The following BNIP2 variants were observed in gnomAD, a reference collection of about 807,000 sequenced individuals.
BNIP2 encodes BCL2 interacting protein 2.
BNIP2 carries 36 observed loss-of-function variants against 43.4 expected under a neutral mutation model. The ratio of observed to expected loss-of-function variants is 0.83; its 90% CI spans 0.64 to 1.10. BNIP2 has a LOEUF of 1.10. Ranked by LOEUF, BNIP2 falls within the 50% of genes least tolerant of loss-of-function variation. BNIP2 has a pLI of 0.00. For missense variants in BNIP2, 417 were observed against 374.1 expected, an observed-to-expected ratio of 1.11 and a Z score of -0.95; for synonymous variants, 146 against 121.0, an observed-to-expected ratio of 1.21 and a Z score of -1.35.
chr15:59,676,871 C>A, intron 5 of BNIP2: 1 of 1,586,942 alleles, frequency 6.3e-7, no homozygotes, highest in African/African-American at 1.3e-5. Flanking sequence ...GCTCTCGCTG[C>A]GTTCGCTCAC....
At chr15:59,676,879 C>A in intron 5 of BNIP2, 3 of 1,593,640 alleles carry the variant, frequency 1.9e-6, no homozygotes, top group South Asian at 1.1e-5. Flanking sequence ...TGCGTTCGCT[C>A]ACCGCTGTCA....
intron 6 of BNIP2, among the ~76,000 whole-genome samples, chr15:59,671,690 T>C (rs796919165): frequency 1.3e-5 from 2 of 152,156 alleles, no homozygotes; most frequent in East Asian, 1.9e-4. Flanking sequence ...ACCTGAGAAA[T>C]AGAATGACCT....
Position 59,676,627 on chromosome 15 carries a change from A to C in BNIP2, c.472+1284T>G, listed in dbSNP as rs1595698979. On this transcript the variant is annotated intron_variant, in intron 5 of 9. Coordinates refer to ENST00000607373, the MANE Select transcript of BNIP2 (RefSeq NM_004330.4). ...AATGAGAAATGCTTATTATTCTTTC[A>C]AAATTACATAATATCTCTAGGCAGA... 2.3e-5 allele frequency: 13 copies of C among 562,240 alleles called. No individual in the cohort carries two copies. In the East Asian group the frequency reaches 3.7e-4, roughly 16 times the overall value. The allele number at this position is 562,240 out of a possible 1,614,324, so 34.8% of individuals were successfully genotyped here. A position where few individuals can be genotyped will look rare whatever the true frequency, so the allele number is the denominator to read the frequency against.
chr15:59,678,535 T>A (rs1452613301), intron 4 of BNIP2: 11 of 1,077,188 alleles, frequency 1.0e-5, no homozygotes, highest in Non-Finnish European at 1.2e-5. Flanking sequence ...TAGGAAGTGG[T>A]TAACTACTCA....
At position 59,682,412 on chromosome 15, in the gene BNIP2, G is replaced by C; in HGVS notation, c.46C>G (p.Pro16Ala). 1 of 1,610,542 alleles carries C rather than the reference G, an allele frequency of 6.2e-7. No individual in the cohort carries two copies. The highest frequency in any genetic ancestry group is 8.5e-7 in the Non-Finnish European group (1 of 1,178,798). ...TCTTTTAAAAGCATTGCTCACATCG[G>C]AAAATCTTCATCTTGCCATTCTTCT... ...LKEEWQDEDF[P>A]IPLPEDDSIE... Residue 16 changes from proline to alanine, a missense_variant, in exon 2 of 10, where the codon CCG becomes GCG. Coordinates refer to ENST00000607373, the MANE Select transcript of BNIP2 (RefSeq NM_004330.4).
rs1555396712 is a variant in BNIP2, at chr15:59,674,098, A to AAC, written c.473-1360_473-1359insGT. Among the ~76,000 whole-genome samples the AAC allele has an allele frequency of 8.7e-5, 13 of 149,904 alleles. 2 individuals are homozygous for AAC. The East Asian group carries it at 1.9e-3, about 22-fold the overall frequency. On this transcript the variant is annotated intron_variant, in intron 5 of 9. Coordinates refer to ENST00000607373, the MANE Select transcript of BNIP2 (RefSeq NM_004330.4). ...GAGCAAGACTTGGGTCTCAAAAAAA[A>AAC]AACAAAAACAAAAACAAAAAAACAA...
chr15:59,683,532 C>T (rs531263207), intron 1 of BNIP2, among the ~76,000 whole-genome samples: 1 of 152,286 alleles, frequency 6.6e-6, no homozygotes, highest in African/African-American at 2.4e-5. Context: ...GTCGTTGACA[C>T]TAGGCCGGGC....
intron 2 of BNIP2, among the ~76,000 whole-genome samples, chr15:59,680,778 TAA>T (rs1196530765): frequency 6.6e-5 from 10 of 152,182 alleles, no homozygotes; most frequent in Non-Finnish European, 1.2e-4. Context: ...CAGCTAATTT[TAA>T]AAGTTTTTTT....
chr15:59,659,908 TACTG>T lies in BNIP2; in HGVS notation c.*4157_*4160del, dbSNP rs1892162164. Reference sequence around the variant, plus strand: ...ATATTCAAATTTTAGTGTCACTCCTTACTGTTAAACATGCCAGACTACTTTATTT... The same window carrying T: ...ATATTCAAATTTTAGTGTCACTCCTTTTAAACATGCCAGACTACTTTATTT... On this transcript the variant is annotated 3_prime_UTR_variant, in exon 10 of 10. Coordinates refer to ENST00000607373, the MANE Select transcript of BNIP2 (RefSeq NM_004330.4). 1.3e-5 allele frequency: 2 copies of T among 152,212 alleles called. No individual in the cohort carries two copies. The highest frequency in any genetic ancestry group is 4.8e-5 in the African/African-American group (2 of 41,456). The allele number at this position is 152,212 out of a possible 1,614,324, so 9.4% of individuals were successfully genotyped here.
chr15:59,677,322 G>A (rs1398853358), intron 5 of BNIP2: 22 of 1,566,808 alleles, frequency 1.4e-5, no homozygotes, highest in African/African-American at 4.1e-5. Context: ...AAGCCCATGA[G>A]CCCCAGCGTT....
intron 1 of BNIP2, chr15:59,688,586 C>T (rs1894171694): frequency 1.0e-5 from 10 of 962,078 alleles, no homozygotes; most frequent in Non-Finnish European, 1.5e-5. Context: ...GGTATTTAAA[C>T]AGAAAGGGTT....
At chr15:59,665,280 T>TA (rs202241560) in intron 9 of BNIP2, 4,748 of 146,850 alleles carry the variant, frequency 0.032, 99 homozygotes, top group Non-Finnish European at 0.049. Flanking sequence ...ATAAATAAAA[T>TA]AAAAAAAAAG....
At chr15:59,676,128 T>A (rs1893271936) in intron 5 of BNIP2, among the ~76,000 whole-genome samples, 1 of 152,212 alleles carries the variant, frequency 6.6e-6, no homozygotes, top group African/African-American at 2.4e-5. Context: ...TTAGGGAGAC[T>A]GTTCAGTCCC....
chr15:59,675,015 C>T (rs1300128859), intron 5 of BNIP2, among the ~76,000 whole-genome samples: 1 of 151,938 alleles, frequency 6.6e-6, no homozygotes, highest in Non-Finnish European at 1.5e-5. Context: ...CTTTGGGAGG[C>T]TGAGGCGGGC....
intron 5 of BNIP2, among the ~76,000 whole-genome samples, chr15:59,676,532 T>C (rs1893302205): frequency 6.6e-6 from 1 of 152,292 alleles, no homozygotes. Flanking sequence ...TTCAACTTAC[T>C]GTATGCATAT....
chr15:59,679,630 T>A lies in BNIP2; in HGVS notation c.257A>T (p.Asp86Val), dbSNP rs763460174. The A allele has an allele frequency of 6.2e-7, 1 of 1,613,332 alleles. No individual in the cohort carries two copies. The highest frequency in any genetic ancestry group is 2.2e-5 in the East Asian group (1 of 44,802). ...CTCATTACTATTCTCTGACGGTGTG[T>A]CTAAGCCATCTAAGTCAATCTCCCC... ...ESGEIDLDGL[D>V]TPSENSNEFE... is the part of the protein sequence containing the mutation. Residue 86 changes from aspartate to valine, a missense_variant, in exon 4 of 10, where the codon GAC (aspartate) becomes GTC (valine). Coordinates refer to ENST00000607373, the MANE Select transcript of BNIP2 (RefSeq NM_004330.4).
chr15:59,664,160 T>A, intron 9 of BNIP2, 40 bp from the exon 10 acceptor site: 1 of 1,312,788 alleles, frequency 7.6e-7, no homozygotes, highest in South Asian at 1.4e-5. Flanking sequence ...AACCAGCAAC[T>A]GAACAATTTT....
At chr15:59,672,343 A>G (rs1367999872) in intron 6 of BNIP2, 1 of 218,256 alleles carries the variant, frequency 4.6e-6, no homozygotes, top group Non-Finnish European at 9.0e-6. Context: ...GCAAAATCAC[A>G]GTTCACTGCA....
chr15:59,668,266 A>C, intron 9 of BNIP2: 1 of 436,394 alleles, frequency 2.3e-6, no homozygotes, highest in Admixed American at 3.9e-5. Flanking sequence ...TACATGATGT[A>C]GAAAGTAAAA....
Sources: allele counts gnomAD v4.1 joint callset (sites outside exome capture counted in the v4.1 genomes callset), GRCh38; gene constraint gnomAD v4.1.1; transcripts MANE v1.5; gene names NCBI Gene and HGNC (gene_info 2026-07-23, HGNC 2026-07-21).